The following MYO1D variants were observed in gnomAD, a reference collection of about 807,000 sequenced individuals.
MYO1D encodes the protein unconventional myosin-Id.
MYO1D carries 83 observed loss-of-function variants against 122.0 expected under a neutral mutation model. That is an observed-to-expected ratio of 0.68 (90% CI 0.57 to 0.82). The LOEUF is 0.82. MYO1D is among the 40% of genes least tolerant of loss of function. The probability of loss-of-function intolerance (pLI) is 0.00; values close to 1 mark genes in which losing one functional copy is unlikely to be tolerated. For missense variants in MYO1D, 1,157 were observed against 1,269.5 expected, an observed-to-expected ratio of 0.91 and a Z score of 1.35; for synonymous variants, 464 against 446.9, an observed-to-expected ratio of 1.04 and a Z score of -0.48.
At chr17:32,620,758 A>C (rs1360207855) in intron 20 of MYO1D, among the ~76,000 whole-genome samples, 2 of 152,190 alleles carry the variant, frequency 1.3e-5, no homozygotes, top group Non-Finnish European at 2.9e-5. Context: ...GCCCCAAACA[A>C]ATCAGAAATG....
chr17:32,796,906 C>A (rs1384499574), intron 1 of MYO1D, among the ~76,000 whole-genome samples: 1 of 152,160 alleles, frequency 6.6e-6, no homozygotes, highest in East Asian at 1.9e-4. Flanking sequence ...AACAGTATAT[C>A]CTGTCACTTT....
chr17:32,535,930 G>C (rs1910650688), intron 21 of MYO1D, among the ~76,000 whole-genome samples: 1 of 152,240 alleles, frequency 6.6e-6, no homozygotes, highest in Non-Finnish European at 1.5e-5. Flanking sequence ...CCTGCAGAGA[G>C]TGTTTGTACT....
chr17:32,525,955 T>C (rs1366825640), intron 21 of MYO1D, among the ~76,000 whole-genome samples: 3 of 152,208 alleles, frequency 2.0e-5, no homozygotes, highest in Non-Finnish European at 2.9e-5. Context: ...TTTGCCACGA[T>C]GGTTTTGCCT....
At chr17:32,687,223 G>A (rs563284737) in intron 16 of MYO1D, among the ~76,000 whole-genome samples, 5 of 142,590 alleles carry the variant, frequency 3.5e-5, no homozygotes, top group Non-Finnish European at 7.5e-5. Context: ...CTGAGACAGA[G>A]TCTCACTCTG....
chr17:32,806,424 C>G (rs958623815), intron 1 of MYO1D, among the ~76,000 whole-genome samples: 1 of 152,156 alleles, frequency 6.6e-6, no homozygotes, highest in Non-Finnish European at 1.5e-5. Flanking sequence ...AGTCATTAAT[C>G]TGTGAAAAGT....
intron 10 of MYO1D, among the ~76,000 whole-genome samples, chr17:32,757,653 A>G (rs2089962274): frequency 6.6e-6 from 1 of 152,188 alleles, no homozygotes; most frequent in Admixed American, 6.5e-5. Context: ...GAAATTAAAG[A>G]CGAAGTCTTT....
At chr17:32,834,741 C>T (rs1162829221) in intron 1 of MYO1D, among the ~76,000 whole-genome samples, 5 of 152,188 alleles carry the variant, frequency 3.3e-5, no homozygotes, top group African/African-American at 9.7e-5. Context: ...TGGCCAGGCA[C>T]GGTAGCTCCC....
chr17:32,808,170 T>TC, intron 1 of MYO1D, among the ~76,000 whole-genome samples: 1 of 152,090 alleles, frequency 6.6e-6, no homozygotes, highest in Non-Finnish European at 1.5e-5. Flanking sequence ...GGTCAGGAGT[T>TC]CAAGATCAGC....
intron 1 of MYO1D, chr17:32,863,123 T>C (rs1345563063): frequency 2.0e-5 from 3 of 152,152 alleles, no homozygotes; most frequent in East Asian, 3.8e-4. Context: ...ATTCTGCCAA[T>C]AGCAGCTGCC....
intron 14 of MYO1D, among the ~76,000 whole-genome samples, chr17:32,733,375 T>C (rs2089662493): frequency 6.6e-6 from 1 of 152,180 alleles, no homozygotes; most frequent in Non-Finnish European, 1.5e-5. Context: ...AATCAAATTG[T>C]CAGTTTGAGG....
At chr17:32,825,874 C>T (rs1287921407) in intron 1 of MYO1D, among the ~76,000 whole-genome samples, 1 of 151,808 alleles carries the variant, frequency 6.6e-6, no homozygotes, top group Non-Finnish European at 1.5e-5. Flanking sequence ...CTCATCTCTA[C>T]CAAACATTTA....
At chr17:32,739,535 T>G (rs2089749760) in intron 13 of MYO1D, among the ~76,000 whole-genome samples, 1 of 151,424 alleles carries the variant, frequency 6.6e-6, no homozygotes, top group South Asian at 2.1e-4. Flanking sequence ...GAGATATACC[T>G]AATGTAAATG....
chr17:32,717,831 A>T (rs1171303651), intron 15 of MYO1D, among the ~76,000 whole-genome samples: 3 of 152,228 alleles, frequency 2.0e-5, no homozygotes, highest in Non-Finnish European at 2.9e-5. Flanking sequence ...TTAAGTTTTT[A>T]AAAAATTCTT....
At chr17:32,557,889 T>C (rs772916984) in intron 21 of MYO1D, among the ~76,000 whole-genome samples, 6 of 152,034 alleles carry the variant, frequency 3.9e-5, no homozygotes, top group Non-Finnish European at 7.4e-5. Flanking sequence ...CATTCATTTA[T>C]GTCCACACTC....
In MYO1D at chr17:32,537,636, A is replaced by G. The variant is rs563261689; in HGVS notation, c.2865-42721T>C. Among the ~76,000 whole-genome samples the G allele has an allele frequency of 2.1e-4, 32 of 152,334 alleles. 1 individual carries two copies. Among genetic ancestry groups the G allele is most frequent in the Middle Eastern group, 6.8e-3 (2 of 294 alleles). ...TGACAAACAACATTTAAATACTCCA[A>G]TTATGAAATGACCAGTTTGAACTGA... On this transcript the variant is annotated intron_variant, in intron 21 of 21. Coordinates refer to ENST00000318217, the MANE Select transcript of MYO1D (RefSeq NM_015194.3).
intron 21 of MYO1D, among the ~76,000 whole-genome samples, chr17:32,560,004 C>T (rs1336962949): frequency 6.6e-6 from 1 of 152,130 alleles, no homozygotes; most frequent in East Asian, 1.9e-4. Flanking sequence ...CGCCTGTAAT[C>T]CCAGCACTTT....
intron 15 of MYO1D, among the ~76,000 whole-genome samples, chr17:32,717,554 T>C (rs1409475007): frequency 1.3e-5 from 2 of 152,252 alleles, no homozygotes; most frequent in Non-Finnish European, 2.9e-5. Context: ...GGTCTATGAG[T>C]AATAAACTTT....
intron 12 of MYO1D, among the ~76,000 whole-genome samples, chr17:32,748,121 C>T (rs2089857332): frequency 6.6e-6 from 1 of 152,136 alleles, no homozygotes; most frequent in Non-Finnish European, 1.5e-5. Context: ...CCCTTGGAAC[C>T]TAATGTACTA....
At chr17:32,829,635 A>G (rs2090754024) in intron 1 of MYO1D, among the ~76,000 whole-genome samples, 1 of 152,190 alleles carries the variant, frequency 6.6e-6, no homozygotes, top group South Asian at 2.1e-4. Flanking sequence ...TTTATATTTC[A>G]GTAGAGACAG....
Sources: allele counts gnomAD v4.1 joint callset (sites outside exome capture counted in the v4.1 genomes callset), GRCh38; gene constraint gnomAD v4.1.1; transcripts MANE v1.5; gene names NCBI Gene and HGNC (gene_info 2026-07-23, HGNC 2026-07-21).